Variants in HIVEP1 observed in about 807,000 individuals in gnomAD.
HIVEP1 encodes the protein zinc finger protein 40.
Under a neutral mutation model 180.0 loss-of-function variants are expected in HIVEP1, and 36 were observed. That is an observed-to-expected ratio of 0.20 (90% CI 0.15 to 0.26). HIVEP1 has a LOEUF of 0.26. HIVEP1 is among the 10% of genes least tolerant of loss of function. The pLI, the probability that HIVEP1 is intolerant of heterozygous loss-of-function variation, is 1.00. For synonymous variants in HIVEP1, 1,239 were observed against 1,239.0 expected (o/e 1.00, Z 0.00); for missense variants, 3,143 against 3,268.7 (o/e 0.96, Z 0.94).
chr6:12,068,449 G>A (rs2113775828), intron 2 of HIVEP1, among the ~76,000 whole-genome samples: 1 of 152,232 alleles, frequency 6.6e-6, no homozygotes, highest in Non-Finnish European at 1.5e-5. Context: ...AAAGGGTAAA[G>A]AATCATGTTT....
chr6:12,131,989 G>T (rs1758449539), intron 6 of HIVEP1, among the ~76,000 whole-genome samples: 1 of 152,056 alleles, frequency 6.6e-6, no homozygotes, highest in African/African-American at 2.4e-5. Flanking sequence ...ACAACTACAT[G>T]CTTCAAATTA....
chr6:12,184,013 A>G, the HIVEP1 span, among the ~76,000 whole-genome samples: 1 of 146,058 alleles, frequency 6.8e-6, no homozygotes, highest in East Asian at 1.9e-4. Context: ...AGATAGATAG[A>G]TAGATAGATA....
rs149376350 is a variant in HIVEP1, at chr6:12,072,675, G to A, written c.41-16509G>A. 7.4e-3 allele frequency among the ~76,000 whole-genome samples: 1,120 copies of A among 152,188 alleles called. 9 individuals are homozygous for A. The highest frequency in any genetic ancestry group is 9.7e-3 in the Non-Finnish European group (659 of 67,992). ...GGCTTTTCTCTGTATGCGTTGGTTG[G>A]ATAATTTTTGTTGACTTGTCTTCAA... On this transcript the variant is annotated intron_variant, in intron 2 of 8. Coordinates refer to ENST00000379388, the MANE Select transcript of HIVEP1 (RefSeq NM_002114.4).
In HIVEP1 at chr6:12,122,406, A is replaced by G. The variant is rs1581727908; in HGVS notation, c.2611A>G (p.Ile871Val). ...LRGSQSFDDK[I>V]GAFYDDVFVS... Reference sequence around the variant, plus strand: ...AGGAAGTCAGTCATTTGATGACAAAATTGGCGCTTTCTATGATGATGTCTT... The same window carrying G: ...AGGAAGTCAGTCATTTGATGACAAAGTTGGCGCTTTCTATGATGATGTCTT... Residue 871 changes from isoleucine (I) to valine (V), a missense_variant, in exon 4 of 9, where the codon ATT becomes GTT. Physicochemically the swap from Ile to Val is conservative, Grantham distance 29. Transcript: ENST00000379388. 6 of 1,614,190 alleles carry G rather than the reference A, an allele frequency of 3.7e-6. No homozygotes were observed. The highest frequency in any genetic ancestry group is 4.2e-6 in the Non-Finnish European group (5 of 1,180,014).
intron 2 of HIVEP1, among the ~76,000 whole-genome samples, chr6:12,042,154 A>G (rs2113683244): frequency 7.1e-6 from 1 of 140,470 alleles, no homozygotes; most frequent in East Asian, 2.1e-4. Context: ...ATCTCGGCTC[A>G]CTGCAAGCTC....
Position 12,122,960 on chromosome 6 carries a change from T to G in HIVEP1, c.3165T>G (p.Ser1055=), listed in dbSNP as rs370754571. 1.9e-6 allele frequency: 3 copies of G among 1,613,942 alleles called. No homozygotes were observed. The highest frequency in any genetic ancestry group is 2.5e-6 in the Non-Finnish European group (3 of 1,179,996). The change falls in exon 4 of 9, where the codon TCT becomes TCG. Residue 1055 remains serine (S), a synonymous_variant. Coordinates refer to ENST00000379388, the MANE Select transcript of HIVEP1 (RefSeq NM_002114.4). ...AAAGTGGAACATCTCCAAAAAGTTC[T>G]GAAGGCCTTCAGTTTCAGAATGCTC... The part of the protein sequence containing the change: ...QNESGTSPKS[S]EGLQFQNALG...
intron 2 of HIVEP1, chr6:12,039,267 A>G (rs577341542): frequency 1.3e-5 from 2 of 152,334 alleles, no homozygotes; most frequent in Middle Eastern, 3.4e-3. Context: ...TTTTGTGTCC[A>G]TGCCACCTAA....
At position 12,124,434 on chromosome 6, in the gene HIVEP1, T is replaced by G. The variant is rs368101129; in HGVS notation, c.4639T>G (p.Ser1547Ala). The G allele has an allele frequency of 5.6e-6, 9 of 1,614,064 alleles. No homozygotes were observed. Among genetic ancestry groups the G allele is most frequent in the African/African-American group, 4.0e-5 (3 of 74,942 alleles). The change falls in exon 4 of 9, where the codon TCT becomes GCT. Residue 1547 changes from serine (S) to alanine (A), a missense_variant. Ser to Ala is a moderately conservative substitution (Grantham distance 99). Coordinates refer to ENST00000379388, the MANE Select transcript of HIVEP1 (RefSeq NM_002114.4). Reference sequence around the variant, plus strand: ...CAAGCCAGATAAAAATTCTGTTTTATCTGGGTCTTCTAAAAGTGAGGATTG... The same window carrying G: ...CAAGCCAGATAAAAATTCTGTTTTAGCTGGGTCTTCTAAAAGTGAGGATTG... ...GSKPDKNSVL[S>A]GSSKSEDCFA...
upstream of HIVEP1, among the ~76,000 whole-genome samples, chr6:12,010,030 T>A (rs1331763471): frequency 6.6e-6 from 1 of 152,242 alleles, no homozygotes; most frequent in Non-Finnish European, 1.5e-5. Flanking sequence ...TCACATTACC[T>A]TTCTCCTGAC....
chr6:12,152,271 T>TA (rs1759751423), intron 7 of HIVEP1, among the ~76,000 whole-genome samples: 1 of 152,188 alleles, frequency 6.6e-6, no homozygotes, highest in African/African-American at 2.4e-5. Context: ...CACAGAGTCA[T>TA]ATATGACAAG....
chr6:12,210,245 G>T, the HIVEP1 span, among the ~76,000 whole-genome samples: 3 of 152,226 alleles, frequency 2.0e-5, no homozygotes, highest in African/African-American at 4.8e-5. Context: ...CTGCAAGGTA[G>T]AAAGTGCAGA....
intron 7 of HIVEP1, among the ~76,000 whole-genome samples, chr6:12,140,687 G>C (rs911135287): frequency 6.6e-6 from 1 of 152,164 alleles, no homozygotes; most frequent in African/African-American, 2.4e-5. Context: ...TGACCTGATG[G>C]AGCAAAACTG....
At chr6:12,128,652 G>A (rs997771657) in intron 4 of HIVEP1, among the ~76,000 whole-genome samples, 15 of 152,034 alleles carry the variant, frequency 9.9e-5, no homozygotes, top group African/African-American at 3.6e-4. Flanking sequence ...GCCTCACAGG[G>A]ACCTGAGAGA....
downstream of HIVEP1, among the ~76,000 whole-genome samples, chr6:12,168,311 AT>A (rs1200433912): frequency 1.9e-4 from 2 of 10,528 alleles, no homozygotes; most frequent in East Asian, 4.1e-3. Flanking sequence ...ATATACATAT[AT>A]TATATACATA....
the HIVEP1 span, among the ~76,000 whole-genome samples, chr6:12,173,859 C>T: frequency 6.6e-6 from 1 of 152,118 alleles, no homozygotes; most frequent in East Asian, 1.9e-4. Flanking sequence ...TCCTGGAGAT[C>T]AGTCATGGAA....
At chr6:12,080,867 T>C (rs1482853494) in intron 2 of HIVEP1, among the ~76,000 whole-genome samples, 2 of 152,184 alleles carry the variant, frequency 1.3e-5, no homozygotes, top group East Asian at 3.9e-4. Context: ...ACATTGTTCA[T>C]GTCCATTTAA....
At chr6:12,154,692 G>A (rs947294492) in intron 7 of HIVEP1, among the ~76,000 whole-genome samples, 4 of 152,072 alleles carry the variant, frequency 2.6e-5, no homozygotes, top group Admixed American at 6.6e-5. Context: ...TAATGCATAC[G>A]GGGCTTGAAA....
At chr6:12,066,912 TTA>T (rs1771630955) in intron 2 of HIVEP1, among the ~76,000 whole-genome samples, 3 of 152,004 alleles carry the variant, frequency 2.0e-5, no homozygotes, top group Admixed American at 2.0e-4. Flanking sequence ...ATACACTTTA[TTA>T]TATATACATA....
the HIVEP1 span, among the ~76,000 whole-genome samples, chr6:12,210,791 T>C: frequency 2.0e-5 from 3 of 152,192 alleles, no homozygotes; most frequent in Non-Finnish European, 4.4e-5. Flanking sequence ...TCAGTCTTTC[T>C]ACAGAAAAAA....
Sources: allele counts gnomAD v4.1 joint callset (sites outside exome capture counted in the v4.1 genomes callset), GRCh38; gene constraint gnomAD v4.1.1; transcripts MANE v1.5; gene names NCBI Gene and HGNC (gene_info 2026-07-23, HGNC 2026-07-21).